PDSS2: variants seen among roughly 807,000 people sequenced by gnomAD.
The protein encoded by PDSS2 is all trans-polyprenyl-diphosphate synthase PDSS2.
Under a neutral mutation model 44.5 loss-of-function variants are expected in PDSS2, and 31 were observed. That is an observed-to-expected ratio of 0.70 (90% CI 0.52 to 0.94). The LOEUF is 0.94. Ranked by LOEUF, PDSS2 falls within the 40% of genes least tolerant of loss-of-function variation. The pLI, the probability that PDSS2 is intolerant of heterozygous loss-of-function variation, is 0.00. For missense variants in PDSS2, 452 were observed against 482.2 expected, an observed-to-expected ratio of 0.94 and a Z score of 0.59; for synonymous variants, 157 against 180.3, an observed-to-expected ratio of 0.87 and a Z score of 1.03.
At position 107,154,231 on chromosome 6, in the gene PDSS2, C is replaced by A. The variant is rs1209579740; in HGVS notation, c.*388G>T. 3.5e-6 allele frequency: 1 copy of A among 285,752 alleles called. No individual in the cohort carries two copies. Among genetic ancestry groups the A allele is most frequent in the Non-Finnish European group, 6.7e-6 (1 of 148,502 alleles). The allele number at this position is 285,752 out of a possible 1,614,324, so 17.7% of individuals were successfully genotyped here. ...TTGGTATTGAGAGCATTTCTCTTGA[C>A]ACCTGCAGCTTCCAACTTGCTTTGT... On this transcript the variant is annotated 3_prime_UTR_variant, in exon 8 of 8. Coordinates refer to ENST00000369037, the MANE Select transcript of PDSS2 (RefSeq NM_020381.4).
At chr6:107,427,776 AATGCATATGAGT>A (rs1419879323) in intron 1 of PDSS2, among the ~76,000 whole-genome samples, 1 of 152,192 alleles carries the variant, frequency 6.6e-6, no homozygotes, top group East Asian at 1.9e-4. Context: ...ACTCATTTGT[AATGCATATGAGT>A]ATTTAGATTG....
intron 1 of PDSS2, among the ~76,000 whole-genome samples, chr6:107,416,274 G>A (rs1370873619): frequency 3.9e-5 from 6 of 152,060 alleles, no homozygotes; most frequent in African/African-American, 1.4e-4. Flanking sequence ...GGGGACCCAT[G>A]AGCCAGAGAA....
At chr6:107,210,343 G>T in intron 6 of PDSS2, 96 bp downstream of exon 6, 1 of 908,246 alleles carries the variant, frequency 1.1e-6, no homozygotes, top group Non-Finnish European at 1.8e-6. Flanking sequence ...TATGCCTAAG[G>T]CTCATCTATA....
rs35494623 is a variant in PDSS2 at position 107,391,905 on chromosome 6, G to GAA, written c.297-57575_297-57574dup. The stretch of plus-strand genomic sequence containing the variant: ...AAACAAGTACAAAAATAAAAGGGGG[G>GAA]AAAAATCACCCTACAACCTCCTACC... On this transcript the variant is annotated intron_variant, in intron 1 of 7. Transcript: ENST00000369037. Among the ~76,000 whole-genome samples, 13 of 151,392 alleles carry GAA rather than the reference G, an allele frequency of 8.6e-5. 1 individual carries two copies. In the South Asian group the frequency reaches 2.1e-3, roughly 24 times the overall value.
At chr6:107,213,776 C>A (rs1237947424) in intron 4 of PDSS2, among the ~76,000 whole-genome samples, 1 of 151,622 alleles carries the variant, frequency 6.6e-6, no homozygotes, top group Non-Finnish European at 1.5e-5. Flanking sequence ...ACAAACAAAG[C>A]AAAAGAAAGA....
intron 4 of PDSS2, among the ~76,000 whole-genome samples, chr6:107,214,074 T>TTGAATA (rs1773323961): frequency 6.6e-6 from 1 of 151,972 alleles, no homozygotes. Flanking sequence ...TAAACATATA[T>TTGAATA]TGAATATGAA....
intron 6 of PDSS2, among the ~76,000 whole-genome samples, chr6:107,205,087 T>A (rs1404659860): frequency 1.3e-5 from 2 of 152,218 alleles, no homozygotes; most frequent in Non-Finnish European, 2.9e-5. Context: ...AATCTGCATG[T>A]GCATTTTCTC....
chr6:107,334,695 G>A (rs1777824693), intron 1 of PDSS2, among the ~76,000 whole-genome samples: 2 of 144,426 alleles, frequency 1.4e-5, no homozygotes, highest in African/African-American at 5.2e-5. Context: ...TATGCACCAC[G>A]ATGCTCAGCT....
rs1180103837 is a variant in PDSS2 at position 107,336,005 on chromosome 6, CGGGGTGGGG to C, written c.297-1682_297-1674del. Among the ~76,000 whole-genome samples the C allele has an allele frequency of 2.1e-4, 10 of 47,470 alleles. No individual in the cohort carries two copies. The East Asian group carries it at 0.017, about 80-fold the overall frequency. The allele number at this position is 47,470 out of a possible 152,430, so 31.1% of individuals were successfully genotyped here. A position where few individuals can be genotyped will look rare whatever the true frequency, so the allele number is the denominator to read the frequency against. ...TTGGTTGGGTATGGTGGCTCATGCC[CGGGGTGGGG>C]GGGGTGGGGGGTGGGGCATCACCTG... is the stretch of plus-strand genomic sequence containing the variant. On this transcript the variant is annotated intron_variant, in intron 1 of 7. Coordinates refer to ENST00000369037, the MANE Select transcript of PDSS2 (RefSeq NM_020381.4).
intron 4 of PDSS2, among the ~76,000 whole-genome samples, chr6:107,230,670 A>T (rs1339189469): frequency 6.6e-6 from 1 of 151,934 alleles, no homozygotes; most frequent in Non-Finnish European, 1.5e-5. Context: ...CAGACTAGCC[A>T]GGGCATGTTT....
At chr6:107,343,214 G>A (rs1032464451) in intron 1 of PDSS2, among the ~76,000 whole-genome samples, 1 of 152,166 alleles carries the variant, frequency 6.6e-6, no homozygotes, top group African/African-American at 2.4e-5. Flanking sequence ...CATGAAGTGG[G>A]TTGATTGGTA....
chr6:107,286,912 C>T (rs1024746822), intron 2 of PDSS2, among the ~76,000 whole-genome samples: 12 of 151,482 alleles, frequency 7.9e-5, no homozygotes, highest in South Asian at 4.2e-4. Flanking sequence ...TGGTGGCACG[C>T]GCCTGTAGTC....
intron 1 of PDSS2, among the ~76,000 whole-genome samples, chr6:107,354,866 T>C (rs1015405590): frequency 6.6e-6 from 1 of 152,216 alleles, no homozygotes; most frequent in Non-Finnish European, 1.5e-5. Context: ...CTGTCCTACA[T>C]TCTCCCTTTT....
At chr6:107,311,750 G>A (rs1311477313) in intron 2 of PDSS2, among the ~76,000 whole-genome samples, 1 of 152,128 alleles carries the variant, frequency 6.6e-6, no homozygotes, top group African/African-American at 2.4e-5. Flanking sequence ...GTAGATCTTG[G>A]CTAAATGATT....
chr6:107,181,250 T>A (rs1055748167), intron 7 of PDSS2, among the ~76,000 whole-genome samples: 1 of 151,914 alleles, frequency 6.6e-6, no homozygotes, highest in Non-Finnish European at 1.5e-5. Flanking sequence ...CAGTAGTACT[T>A]GGGGCCGGGC....
chr6:107,203,646 T>G (rs1043975661), intron 6 of PDSS2, among the ~76,000 whole-genome samples: 4 of 152,160 alleles, frequency 2.6e-5, no homozygotes, highest in Non-Finnish European at 4.4e-5. Context: ...TTTTAAAAAT[T>G]TAGGTAAAAT....
chr6:107,335,858 G>A (rs1360580034), intron 1 of PDSS2, among the ~76,000 whole-genome samples: 3 of 152,062 alleles, frequency 2.0e-5, no homozygotes, highest in South Asian at 2.1e-4. Context: ...AAAAATTAGT[G>A]TTATAATACT....
At chr6:107,341,156 G>A (rs1264552933) in intron 1 of PDSS2, among the ~76,000 whole-genome samples, 1 of 152,034 alleles carries the variant, frequency 6.6e-6, no homozygotes, top group Non-Finnish European at 1.5e-5. Flanking sequence ...AGATAATGAG[G>A]GCCTAAATGA....
At chr6:107,186,385 A>G (rs966405102) in intron 7 of PDSS2, among the ~76,000 whole-genome samples, 2 of 152,138 alleles carry the variant, frequency 1.3e-5, no homozygotes, top group Non-Finnish European at 2.9e-5. Flanking sequence ...CACCTCTTCC[A>G]CACTCTCCCC....
Sources: gnomAD v4.1 joint callset for allele counts (sites outside exome capture counted in the v4.1 genomes callset) on GRCh38, gnomAD v4.1.1 for gene constraint, MANE v1.5 for transcripts, NCBI Gene and HGNC (gene_info 2026-07-23, HGNC 2026-07-21) for gene names.